The following EYS variants were observed in gnomAD, a reference collection of about 807,000 sequenced individuals.
EYS encodes the protein protein eyes shut homolog.
In EYS, 250 loss-of-function variants were observed where a neutral mutation model predicts 282.1. The ratio of observed to expected loss-of-function variants is 0.89; its 90% CI spans 0.80 to 0.98. EYS has a LOEUF of 0.98. Among genes scored for constraint, EYS ranks in the 50% least tolerant of loss-of-function variants. The pLI, the probability that EYS is intolerant of heterozygous loss-of-function variation, is 0.00. For synonymous variants in EYS, 1,355 were observed against 1,282.9 expected (o/e 1.06, Z -1.20); for missense variants, 4,016 against 3,709.0 (o/e 1.08, Z -2.15).
intron 1 of EYS, among the ~76,000 whole-genome samples, chr6:65,684,078 G>A (rs1428970709): frequency 3.3e-5 from 5 of 151,956 alleles, no homozygotes; most frequent in African/African-American, 1.2e-4. Context: ...ATTTATTAAA[G>A]TCATGATACT....
At chr6:64,471,454 A>T (rs1204621504) in intron 26 of EYS, among the ~76,000 whole-genome samples, 1 of 152,152 alleles carries the variant, frequency 6.6e-6, no homozygotes, top group Non-Finnish European at 1.5e-5. Flanking sequence ...AACAACAAAG[A>T]AGCTGAAAAA....
At chr6:65,398,051 C>A (rs1477853665) in intron 7 of EYS, among the ~76,000 whole-genome samples, 2 of 151,826 alleles carry the variant, frequency 1.3e-5, no homozygotes, top group African/African-American at 2.4e-5. Context: ...GCTTTTATAT[C>A]TTCTTTTAAA....
At position 64,936,760 on chromosome 6, in the gene EYS, A is replaced by C. The variant is rs186526454; in HGVS notation, c.2381+9033T>G. 4.6e-4 allele frequency among the ~76,000 whole-genome samples: 70 copies of C among 151,294 alleles called. 2 individuals carry two copies. The highest frequency in any genetic ancestry group is 1.6e-3 in the African/African-American group (68 of 41,494). ...AAACAATAAAATATTATTGAAAGAAATTAAAGAAGATTCAATAAAATCTCT... is the reference window on the plus strand; with the variant it reads ...AAACAATAAAATATTATTGAAAGAACTTAAAGAAGATTCAATAAAATCTCT... On this transcript the variant is annotated intron_variant, in intron 15 of 42. Transcript: ENST00000503581.
rs554330505 is a variant in EYS at position 65,271,455 on chromosome 6, C to G, written c.2023+24408G>C. On this transcript the variant is annotated intron_variant, in intron 12 of 42. Coordinates refer to ENST00000503581, the MANE Select transcript of EYS (RefSeq NM_001142800.2). ...TGCCCAACCACACTGGGGAGGGCCACATGCTTTACTCAGCCCACCAATTCA... is the reference window on the plus strand; with the variant it reads ...TGCCCAACCACACTGGGGAGGGCCAGATGCTTTACTCAGCCCACCAATTCA... Among the ~76,000 whole-genome samples the G allele has an allele frequency of 3.9e-5, 6 of 152,122 alleles. No individual in the cohort carries two copies. The East Asian group carries it at 1.2e-3, about 30-fold the overall frequency.
chr6:64,952,709 G>C (rs1044428470), intron 14 of EYS, among the ~76,000 whole-genome samples: 2 of 151,878 alleles, frequency 1.3e-5, no homozygotes, highest in Admixed American at 6.6e-5. Flanking sequence ...CTTACTTACT[G>C]TTTTAGATTT....
intron 2 of EYS, among the ~76,000 whole-genome samples, chr6:65,598,249 A>ACC (rs1491121936): frequency 2.7e-5 from 1 of 37,072 alleles, no homozygotes; most frequent in Admixed American, 2.9e-4. Context: ...CCCCCCCCCC[A>ACC]AAAAAAAAAA....
At chr6:64,794,177 C>T (rs1774278993) in intron 22 of EYS, among the ~76,000 whole-genome samples, 1 of 152,146 alleles carries the variant, frequency 6.6e-6, no homozygotes, top group African/African-American at 2.4e-5. Flanking sequence ...GCAGCTATCC[C>T]ACTTCAGGCT....
intron 22 of EYS, among the ~76,000 whole-genome samples, chr6:64,701,895 T>C (rs1183830613): frequency 6.6e-6 from 1 of 151,938 alleles, no homozygotes; most frequent in Non-Finnish European, 1.5e-5. Context: ...AAGTATATAA[T>C]AACTTTAAAA....
At chr6:65,255,236 A>C (rs1342043715) in intron 12 of EYS, among the ~76,000 whole-genome samples, 2 of 151,986 alleles carry the variant, frequency 1.3e-5, no homozygotes, top group Non-Finnish European at 2.9e-5. Context: ...ATCTATAATA[A>C]ACTCATTTTC....
chr6:65,447,359 T>C (rs1768710100), intron 5 of EYS, among the ~76,000 whole-genome samples: 1 of 140,854 alleles, frequency 7.1e-6, no homozygotes, highest in Admixed American at 7.3e-5. Context: ...TATATGTATA[T>C]AGTTATATAT....
intron 5 of EYS, among the ~76,000 whole-genome samples, chr6:65,407,515 A>G (rs1220635767): frequency 6.6e-6 from 1 of 152,076 alleles, no homozygotes; most frequent in African/African-American, 2.4e-5. Context: ...CGGCCTCCCA[A>G]AGTGCTGGGA....
chr6:64,048,747 TTC>T, intron 33 of EYS, among the ~76,000 whole-genome samples: 1 of 152,282 alleles, frequency 6.6e-6, no homozygotes, highest in African/African-American at 2.4e-5. Context: ...GAAATCTGGT[TTC>T]TGTTTCCTCT....
At position 64,753,203 on chromosome 6, in the gene EYS, G is replaced by T. The variant is rs570917266; in HGVS notation, c.3443+60175C>A. On this transcript the variant is annotated intron_variant, in intron 22 of 42. Coordinates refer to ENST00000503581, the MANE Select transcript of EYS (RefSeq NM_001142800.2). Reference sequence around the variant, plus strand: ...AAGTATACAATTGAGACTGCAAAGCGACCAGGTAAAAACACTATGACAGGA... The same window carrying T: ...AAGTATACAATTGAGACTGCAAAGCTACCAGGTAAAAACACTATGACAGGA... Among the ~76,000 whole-genome samples, 10 of 152,080 alleles carry T rather than the reference G, an allele frequency of 6.6e-5. No individual in the cohort carries two copies. In the East Asian group the frequency reaches 1.7e-3, roughly 26 times the overall value.
At chr6:63,830,996 C>G (rs897513936) in intron 36 of EYS, among the ~76,000 whole-genome samples, 4 of 152,152 alleles carry the variant, frequency 2.6e-5, no homozygotes, top group African/African-American at 9.7e-5. Context: ...AAATAAAATC[C>G]TTTACAGACA....
chr6:65,197,651 C>G (rs1254443732), intron 12 of EYS, among the ~76,000 whole-genome samples: 1 of 152,064 alleles, frequency 6.6e-6, no homozygotes, highest in African/African-American at 2.4e-5. Context: ...ATAGAGTGTA[C>G]TTCCACAAAC....
intron 24 of EYS, among the ~76,000 whole-genome samples, chr6:64,613,619 C>A (rs767540979): frequency 8.6e-5 from 13 of 152,042 alleles, no homozygotes; most frequent in Non-Finnish European, 1.8e-4. Context: ...AATTCAGAAG[C>A]AGAAACCTCT....
intron 41 of EYS, chr6:63,741,828 C>G (rs1769082579): frequency 3.0e-6 from 2 of 666,386 alleles, no homozygotes; most frequent in African/African-American, 3.5e-5. Flanking sequence ...TTTTCCACAG[C>G]TCATCTGACT....
intron 8 of EYS, among the ~76,000 whole-genome samples, chr6:65,359,870 T>C (rs1239212738): frequency 6.6e-6 from 1 of 151,986 alleles, no homozygotes; most frequent in Non-Finnish European, 1.5e-5. Context: ...GATAGAATAT[T>C]TGTATATTCA....
chr6:64,634,610 A>G (rs1360384384), intron 22 of EYS, among the ~76,000 whole-genome samples: 7 of 151,986 alleles, frequency 4.6e-5, no homozygotes. Flanking sequence ...GGTATAGTCA[A>G]TATACTTGGG....
Sources: gnomAD v4.1 joint callset for allele counts (sites outside exome capture counted in the v4.1 genomes callset) on GRCh38, gnomAD v4.1.1 for gene constraint, MANE v1.5 for transcripts, NCBI Gene and HGNC (gene_info 2026-07-23, HGNC 2026-07-21) for gene names.